Variants in RAB3GAP1 observed in about 807,000 individuals in gnomAD.
The protein encoded by RAB3GAP1 is rab3 GTPase-activating protein catalytic subunit.
In RAB3GAP1, 86 loss-of-function variants were observed where a neutral mutation model predicts 130.7. The ratio of observed to expected loss-of-function variants is 0.66; its 90% CI spans 0.55 to 0.79. The LOEUF is 0.79. Among genes scored for constraint, RAB3GAP1 ranks in the 30% least tolerant of loss-of-function variants. RAB3GAP1 has a pLI of 0.00. For synonymous variants in RAB3GAP1, 367 were observed against 401.7 expected (o/e 0.91, Z 1.03); for missense variants, 1,029 against 1,169.4 (o/e 0.88, Z 1.75).
intron 3 of RAB3GAP1, among the ~76,000 whole-genome samples, chr2:135,073,225 A>T (rs918843510): frequency 6.6e-6 from 1 of 152,152 alleles, no homozygotes; most frequent in Non-Finnish European, 1.5e-5. Flanking sequence ...TTTCTTTTGG[A>T]CAGAGAGAGG....
chr2:135,113,384 A>T, intron 6 of RAB3GAP1, 114 bp downstream of exon 6: 1 of 1,369,696 alleles, frequency 7.3e-7, no homozygotes, highest in Non-Finnish European at 1.0e-6. Flanking sequence ...CTTAGTGCAT[A>T]TATATTGTTA....
intron 17 of RAB3GAP1, among the ~76,000 whole-genome samples, chr2:135,137,822 T>G (rs1293089940): frequency 1.3e-5 from 2 of 151,914 alleles, no homozygotes; most frequent in Admixed American, 6.6e-5. Flanking sequence ...TTGTTTTGTT[T>G]TTTTTTTGTT....
At chr2:135,171,829 C>T (rs75477929), downstream of RAB3GAP1, among the ~76,000 whole-genome samples, 9,041 of 151,982 alleles carry the variant, frequency 0.059, 514 homozygotes, top group African/African-American at 0.15. Context: ...GAGGGGCTTA[C>T]GAGGCAGTGA....
At chr2:135,104,662 G>C (rs1326002348) in intron 5 of RAB3GAP1, among the ~76,000 whole-genome samples, 4 of 151,442 alleles carry the variant, frequency 2.6e-5, no homozygotes, top group African/African-American at 7.3e-5. Context: ...AGACCAGCCT[G>C]GACAACATGG....
Position 135,133,842 on chromosome 2 carries a change from T to G in RAB3GAP1, c.1327-19T>G, listed in dbSNP as rs1266043092. ...ATTTTGGTAACAAGTTTGCTTTGTTTCTATTTTGTTAAATTTAGAATCTCT... is the reference window on the plus strand; with the variant it reads ...ATTTTGGTAACAAGTTTGCTTTGTTGCTATTTTGTTAAATTTAGAATCTCT... On this transcript the variant is annotated intron_variant, in intron 14 of 23. Coordinates refer to ENST00000264158, the MANE Select transcript of RAB3GAP1 (RefSeq NM_012233.3). 1 of 1,609,894 alleles carries G rather than the reference T, an allele frequency of 6.2e-7. No individual in the cohort carries two copies. The highest frequency in any genetic ancestry group is 8.5e-7 in the Non-Finnish European group (1 of 1,176,664).
At chr2:135,164,350 TTTGAC>T (rs1422711344) in intron 22 of RAB3GAP1, among the ~76,000 whole-genome samples, 1 of 152,256 alleles carries the variant, frequency 6.6e-6, no homozygotes, top group Admixed American at 6.5e-5. Context: ...TTTCTTACAC[TTTGAC>T]AGAGATAGGC....
At chr2:135,134,149 CT>C in intron 15 of RAB3GAP1, 116 bp downstream of exon 15, 1 of 1,165,904 alleles carries the variant, frequency 8.6e-7, no homozygotes, top group Non-Finnish European at 1.2e-6. Context: ...TGGCAAGAAG[CT>C]TAGACATGAT....
chr2:135,086,409 G>C (rs1201001535), intron 3 of RAB3GAP1, among the ~76,000 whole-genome samples: 3 of 152,088 alleles, frequency 2.0e-5, no homozygotes, highest in African/African-American at 7.2e-5. Context: ...TAGTCATTCT[G>C]TTGGGTGTGA....
rs539310402 is a variant in RAB3GAP1, at chr2:135,103,035, A to ATTTTTTTTTTTTTT, written c.362+9349_362+9362dup. On this transcript the variant is annotated intron_variant, in intron 5 of 23. Transcript: ENST00000264158. ...AAAAAAAAAAAAAATCATTTTTGTG[A>ATTTTTTTTTTTTTT]TTTTTTTTTTTTTTTTTTTTGAGAC... is the stretch of plus-strand genomic sequence containing the variant. Among the ~76,000 whole-genome samples, 55 of 90,886 alleles carry ATTTTTTTTTTTTTT rather than the reference A, an allele frequency of 6.1e-4. 2 individuals are homozygous for ATTTTTTTTTTTTTT. The highest frequency in any genetic ancestry group is 6.6e-4 in the African/African-American group (12 of 18,184). 59.6% of individuals were successfully genotyped at this position (90,886 alleles called of 152,430 possible). A position where few individuals can be genotyped will look rare whatever the true frequency, so the allele number is the denominator to read the frequency against.
intron 7 of RAB3GAP1, among the ~76,000 whole-genome samples, chr2:135,117,675 TCTG>T (rs1691052968): frequency 4.4e-5 from 6 of 136,402 alleles, no homozygotes; most frequent in African/African-American, 1.7e-4. Context: ...TTCTGCTTCT[TCTG>T]CTTCTGCTTC....
At chr2:135,148,764 G>A (rs926084588) in intron 17 of RAB3GAP1, among the ~76,000 whole-genome samples, 1 of 149,262 alleles carries the variant, frequency 6.7e-6, no homozygotes, top group Non-Finnish European at 1.5e-5. Context: ...CGTCCACCTC[G>A]GCCTCCCAAA....
At chr2:135,154,868 A>G (rs911809442) in intron 19 of RAB3GAP1, among the ~76,000 whole-genome samples, 5 of 152,262 alleles carry the variant, frequency 3.3e-5, no homozygotes, top group Admixed American at 3.3e-4. Flanking sequence ...AAAACAAGAC[A>G]ACCAGCCTCC....
At chr2:135,120,541 G>A (rs1205396921) in intron 7 of RAB3GAP1, among the ~76,000 whole-genome samples, 1 of 152,148 alleles carries the variant, frequency 6.6e-6, no homozygotes, top group Non-Finnish European at 1.5e-5. Flanking sequence ...CACCTCTTGA[G>A]CTTTTGGACT....
chr2:135,115,233 T>A lies in RAB3GAP1; in HGVS notation c.500T>A (p.Val167Glu). 3 of 1,611,484 alleles carry A rather than the reference T, an allele frequency of 1.9e-6. No individual in the cohort carries two copies. The highest frequency in any genetic ancestry group is 2.5e-6 in the Non-Finnish European group (3 of 1,177,650). ...GNTGCQVPLF[V>E]QIHHKWRRMY... ...TCTTGCAGTCAGGTGCCACTCTTTG[T>A]GCAAATTCACCACAAATGGCGAAGA... Residue 167 changes from valine (V) to glutamate (E), a missense_variant, in exon 7 of 24, where the codon GTG becomes GAG. Transcript: ENST00000264158.
intron 5 of RAB3GAP1, among the ~76,000 whole-genome samples, chr2:135,099,497 A>G (rs950041422): frequency 1.3e-5 from 2 of 150,706 alleles, no homozygotes; most frequent in South Asian, 2.1e-4. Context: ...TTGATATGCT[A>G]ATAGTTTGTT....
intron 18 of RAB3GAP1, among the ~76,000 whole-genome samples, chr2:135,151,908 GA>G (rs1202053294): frequency 6.6e-6 from 1 of 152,164 alleles, no homozygotes; most frequent in Non-Finnish European, 1.5e-5. Flanking sequence ...TTTCCCCATG[GA>G]AACATACTAC....
chr2:135,174,330 G>T (rs899539922), downstream of RAB3GAP1, among the ~76,000 whole-genome samples: 2 of 152,176 alleles, frequency 1.3e-5, no homozygotes, highest in Non-Finnish European at 2.9e-5. Flanking sequence ...TGACAGGAGC[G>T]CTGTGTGACC....
At chr2:135,168,222 G>A (rs1398536735) in intron 23 of RAB3GAP1, among the ~76,000 whole-genome samples, 1 of 152,206 alleles carries the variant, frequency 6.6e-6, no homozygotes. Flanking sequence ...TTGGGTCATT[G>A]CTGGAAGAAA....
At chr2:135,151,066 A>G (rs1317489653) in intron 18 of RAB3GAP1, among the ~76,000 whole-genome samples, 1 of 152,220 alleles carries the variant, frequency 6.6e-6, no homozygotes, top group Non-Finnish European at 1.5e-5. Flanking sequence ...GGCATTTGCT[A>G]TCTGAAGAAT....
Sources: gnomAD v4.1 joint callset for allele counts (sites outside exome capture counted in the v4.1 genomes callset) on GRCh38, gnomAD v4.1.1 for gene constraint, MANE v1.5 for transcripts, NCBI Gene and HGNC (gene_info 2026-07-23, HGNC 2026-07-21) for gene names.